SAMMSON: variants seen among roughly 807,000 people sequenced by gnomAD.
The protein encoded by SAMMSON is survival associated mitochondrial melanoma specific oncogenic non-coding RNA, also known as long intergenic non-protein coding RNA 1212.
intron 4 of SAMMSON, among the ~76,000 whole-genome samples, chr3:70,128,002 A>C (rs2067466585): frequency 6.6e-6 from 1 of 152,204 alleles, no homozygotes; most frequent in Admixed American, 6.5e-5. Flanking sequence ...TAAGGACCAG[A>C]ATGGATAACG....
chr3:70,412,034 T>C (rs1701223914), intron 2 of SAMMSON, among the ~76,000 whole-genome samples: 1 of 152,236 alleles, frequency 6.6e-6, no homozygotes. Flanking sequence ...TGGTTTAGAC[T>C]AATTTTTAAT....
intron 6 of SAMMSON, among the ~76,000 whole-genome samples, chr3:70,260,525 G>A (rs1701856108): frequency 6.6e-6 from 1 of 151,920 alleles, no homozygotes; most frequent in Non-Finnish European, 1.5e-5. Context: ...GTTAAGTCAA[G>A]GGCTAGGAGT....
intron 4 of SAMMSON, among the ~76,000 whole-genome samples, chr3:70,151,912 A>G (rs1249301359): frequency 6.6e-6 from 1 of 151,992 alleles, no homozygotes; most frequent in Admixed American, 6.6e-5. Context: ...TTTTTTATAG[A>G]AACATATATA....
rs148086606 is a variant in SAMMSON at position 70,424,440 on chromosome 3, T to C, written n.234-38120T>C. On this transcript the variant is annotated intron_variant and non_coding_transcript_variant, in intron 2 of 3. Coordinates refer to the SAMMSON transcript ENST00000641053. ...ACACATTTTTACACATTTTTTCAAA[T>C]GATAATGAAAAACAACAAATGTACT... Among the ~76,000 whole-genome samples the C allele has an allele frequency of 4.9e-4, 74 of 152,284 alleles. 1 individual carries two copies. The East Asian group carries it at 0.013, about 27-fold the overall frequency.
intron 3 of SAMMSON, among the ~76,000 whole-genome samples, chr3:70,052,341 G>A (rs753931622): frequency 6.6e-6 from 1 of 152,004 alleles, no homozygotes; most frequent in Non-Finnish European, 1.5e-5. Flanking sequence ...AGTAAATGAC[G>A]GAGGAGCACT....
At chr3:70,295,214 A>G (rs188350288) in intron 7 of SAMMSON, among the ~76,000 whole-genome samples, 50 of 152,288 alleles carry the variant, frequency 3.3e-4, no homozygotes, top group Non-Finnish European at 6.3e-4. Context: ...ATTGCTTAAG[A>G]AGAATGGAAG....
At chr3:70,280,442 C>T (rs1043896756) in intron 6 of SAMMSON, among the ~76,000 whole-genome samples, 2 of 152,154 alleles carry the variant, frequency 1.3e-5, no homozygotes, top group Non-Finnish European at 2.9e-5. Context: ...CCTTACCACC[C>T]TAGGCATGTA....
At chr3:70,272,400 A>T (rs1245963008) in intron 6 of SAMMSON, 1 of 152,150 alleles carries the variant, frequency 6.6e-6, no homozygotes, top group Admixed American at 6.5e-5. Context: ...CTTTCGCTCA[A>T]TATAATGCTT....
At chr3:70,117,101 A>C (rs1364294634) in intron 4 of SAMMSON, among the ~76,000 whole-genome samples, 1 of 152,226 alleles carries the variant, frequency 6.6e-6, no homozygotes, top group Non-Finnish European at 1.5e-5. Context: ...ATAATAAGAT[A>C]AAATGATGGT....
intron 4 of SAMMSON, among the ~76,000 whole-genome samples, chr3:70,222,683 A>T (rs1000670804): frequency 2.6e-5 from 4 of 152,184 alleles, no homozygotes; most frequent in Non-Finnish European, 5.9e-5. Context: ...CTAATGGACT[A>T]TTCAAACCTG....
intron 2 of SAMMSON, among the ~76,000 whole-genome samples, chr3:70,416,669 T>G (rs1208067015): frequency 2.0e-5 from 3 of 152,170 alleles, no homozygotes; most frequent in African/African-American, 4.8e-5. Flanking sequence ...TAATTGCAAC[T>G]CATCTCTGTG....
At chr3:70,206,025 T>C (rs2106723936) in intron 4 of SAMMSON, 1 of 152,102 alleles carries the variant, frequency 6.6e-6, no homozygotes, top group South Asian at 2.1e-4. Context: ...CTTTATGTCA[T>C]ATATAGGGAT....
chr3:70,079,700 A>C (rs1277863998), intron 4 of SAMMSON, among the ~76,000 whole-genome samples: 1 of 152,144 alleles, frequency 6.6e-6, no homozygotes, highest in Non-Finnish European at 1.5e-5. Flanking sequence ...AGGCATATTA[A>C]ATGCATTTTT....
chr3:70,285,276 C>G (rs1429116895), intron 6 of SAMMSON, among the ~76,000 whole-genome samples: 1 of 141,116 alleles, frequency 7.1e-6, no homozygotes, highest in East Asian at 2.1e-4. Context: ...TCTCATTGTT[C>G]AATTCCCACC....
chr3:70,072,745 G>A (rs1259770622), intron 4 of SAMMSON: 2 of 151,148 alleles, frequency 1.3e-5, no homozygotes, highest in African/African-American at 4.9e-5. Context: ...GACAAAGTTA[G>A]CATTGAAAGG....
chr3:70,038,771 G>A (rs1469111163), intron 3 of SAMMSON, among the ~76,000 whole-genome samples: 1 of 152,158 alleles, frequency 6.6e-6, no homozygotes, highest in Non-Finnish European at 1.5e-5. Flanking sequence ...CTATGAATCA[G>A]AAGAGACTGA....
intron 2 of SAMMSON, among the ~76,000 whole-genome samples, chr3:70,426,991 A>G (rs1022738345): frequency 3.3e-5 from 5 of 152,228 alleles, no homozygotes; most frequent in Admixed American, 2.0e-4. Flanking sequence ...ACTTTTGTTT[A>G]AAAGGCATAT....
At chr3:70,275,767 G>T (rs1351205741) in intron 6 of SAMMSON, among the ~76,000 whole-genome samples, 1 of 152,132 alleles carries the variant, frequency 6.6e-6, no homozygotes, top group East Asian at 1.9e-4. Flanking sequence ...ACTTTCAGAA[G>T]TTTATAGCAT....
chr3:70,183,045 G>T (rs74528731), intron 4 of SAMMSON, among the ~76,000 whole-genome samples: 1 of 152,164 alleles, frequency 6.6e-6, no homozygotes, highest in East Asian at 1.9e-4. Context: ...TCCTCCTCAG[G>T]TCTCTGGATT....
Sources: allele counts gnomAD v4.1 joint callset (sites outside exome capture counted in the v4.1 genomes callset), GRCh38; gene constraint gnomAD v4.1.1; transcripts MANE v1.5; gene names NCBI Gene and HGNC (gene_info 2026-07-23, HGNC 2026-07-21).